MAP7: variants seen among roughly 807,000 people sequenced by gnomAD.
The protein encoded by MAP7 is ensconsin.
Under a neutral mutation model 94.8 loss-of-function variants are expected in MAP7, and 52 were observed. The observed-to-expected ratio is 0.55, with a 90% CI of 0.44 to 0.69. The LOEUF (loss-of-function observed/expected upper bound fraction) is 0.69, where lower values mean the gene tolerates loss of function less well. Among genes scored for constraint, MAP7 ranks in the 30% least tolerant of loss-of-function variants. The pLI, the probability that MAP7 is intolerant of heterozygous loss-of-function variation, is 0.00. For synonymous variants in MAP7, 350 were observed against 357.0 expected (o/e 0.98, Z 0.22); for missense variants, 940 against 964.6 (o/e 0.97, Z 0.34).
At chr6:136,465,474 G>A (rs1806698073) in intron 1 of MAP7, among the ~76,000 whole-genome samples, 1 of 152,038 alleles carries the variant, frequency 6.6e-6, no homozygotes, top group Non-Finnish European at 1.5e-5. Context: ...CATGCTTTCT[G>A]CAAAGAAAGA....
At chr6:136,548,888 G>A (rs965573650) in intron 1 of MAP7, among the ~76,000 whole-genome samples, 1 of 152,164 alleles carries the variant, frequency 6.6e-6, no homozygotes, top group Non-Finnish European at 1.5e-5. Context: ...CCTCACTTGG[G>A]GGAGCCCCGT....
At chr6:136,436,156 G>A (rs1796324002) in intron 1 of MAP7, among the ~76,000 whole-genome samples, 3 of 152,128 alleles carry the variant, frequency 2.0e-5, no homozygotes. Flanking sequence ...AGTTAGGAAA[G>A]GAAGTTCATT....
At chr6:136,399,705 T>C (rs9402807) in intron 3 of MAP7, among the ~76,000 whole-genome samples, 8,159 of 152,250 alleles carry the variant, frequency 0.054, 480 homozygotes, top group African/African-American at 0.14. Context: ...CTTTATGCTT[T>C]ATCTCAATAA....
chr6:136,346,411 A>T (rs566454049), intron 16 of MAP7, among the ~76,000 whole-genome samples: 1 of 152,194 alleles, frequency 6.6e-6, no homozygotes, highest in Admixed American at 6.5e-5. Context: ...AAAAGAAAAA[A>T]ATTAGCTGTG....
chr6:136,486,504 C>T (rs1814788393), intron 1 of MAP7, among the ~76,000 whole-genome samples: 1 of 152,176 alleles, frequency 6.6e-6, no homozygotes, highest in Non-Finnish European at 1.5e-5. Context: ...ATATGGGAAG[C>T]ATCTGTAGCT....
intron 1 of MAP7, among the ~76,000 whole-genome samples, chr6:136,491,334 A>G (rs903018167): frequency 2.0e-5 from 3 of 152,210 alleles, no homozygotes; most frequent in Admixed American, 1.3e-4. Context: ...ATTTATGCCA[A>G]TGATTTTAAG....
chr6:136,358,338 T>C (rs3823162), intron 15 of MAP7, among the ~76,000 whole-genome samples: 127,997 of 152,246 alleles, frequency 0.84, 53,904 homozygotes, highest in Admixed American at 0.88. Flanking sequence ...AATTTACAGC[T>C]TAAATTGATC....
intron 1 of MAP7, among the ~76,000 whole-genome samples, chr6:136,504,005 C>T (rs1820605503): frequency 6.6e-6 from 1 of 152,198 alleles, no homozygotes; most frequent in Admixed American, 6.5e-5. Flanking sequence ...AGTAAATAAA[C>T]TGCAGTAAAG....
At chr6:136,349,553 T>C (rs1407724189) in intron 16 of MAP7, among the ~76,000 whole-genome samples, 2 of 152,098 alleles carry the variant, frequency 1.3e-5, no homozygotes, top group Non-Finnish European at 2.9e-5. Flanking sequence ...TTTGTATTTT[T>C]TGTAGAGACG....
At position 136,361,051 on chromosome 6, in the gene MAP7, T is replaced by TC; in HGVS notation, c.1654dup (p.Glu552GlyfsTer25). Reference sequence around the variant, plus strand: ...CTCCTCCCGCTCGCGCAGCGCCCGCTCCTCCGCCTGCCGCTGCAGCTGCTC... The same window carrying TC: ...CTCCTCCCGCTCGCGCAGCGCCCGCTCCCTCCGCCTGCCGCTGCAGCTGCTC... On this transcript the variant is annotated frameshift_variant, in exon 12 of 18. Coordinates refer to ENST00000354570, the MANE Select transcript of MAP7 (RefSeq NM_003980.6). LOFTEE classifies it high-confidence loss of function. The TC allele has an allele frequency of 6.3e-7, 1 of 1,591,114 alleles. No homozygotes were observed. Among genetic ancestry groups the TC allele is most frequent in the Non-Finnish European group, 8.5e-7 (1 of 1,174,676 alleles).
At chr6:136,413,975 C>T (rs902924115) in intron 2 of MAP7, among the ~76,000 whole-genome samples, 19 of 152,024 alleles carry the variant, frequency 1.2e-4, no homozygotes, top group South Asian at 1.0e-3. Flanking sequence ...ATGGGCCGGG[C>T]GCGGTGGCTC....
intron 1 of MAP7, among the ~76,000 whole-genome samples, chr6:136,432,768 CT>C (rs1795321623): frequency 6.6e-6 from 1 of 151,940 alleles, no homozygotes; most frequent in Non-Finnish European, 1.5e-5. Context: ...GTAAATTTAT[CT>C]ATTGATTTAG....
In MAP7 at chr6:136,550,106, G is replaced by A. The variant is rs1275460475; in HGVS notation, c.67+236C>T. 6.6e-6 allele frequency among the ~76,000 whole-genome samples: 1 copy of A among 151,070 alleles called. No homozygotes were observed. The highest frequency in any genetic ancestry group is 1.5e-5 in the Non-Finnish European group (1 of 67,468). ...GCGGGAAAGTCGCGGTGGAGCGCCC[G>A]AGGGCGGCCGCAACCCCGGCCGGGG... On this transcript the variant is annotated intron_variant, in intron 1 of 17. Coordinates refer to ENST00000354570, the MANE Select transcript of MAP7 (RefSeq NM_003980.6). The surrounding 1 kb of genome is among the most constrained non-coding windows in gnomAD (Gnocchi z 5.1).
intron 3 of MAP7, among the ~76,000 whole-genome samples, chr6:136,408,139 T>G (rs529983269): frequency 2.1e-5 from 3 of 144,774 alleles, no homozygotes; most frequent in East Asian, 2.1e-4. Flanking sequence ...AGAGAGAGAG[T>G]GAAAAACATG....
intron 3 of MAP7, among the ~76,000 whole-genome samples, chr6:136,410,010 C>T (rs966581498): frequency 2.0e-5 from 3 of 152,136 alleles, no homozygotes; most frequent in African/African-American, 7.2e-5. Flanking sequence ...AAGTCTTACA[C>T]CTTTATAGTA....
Position 136,344,094 on chromosome 6 carries a change from A to G in MAP7, c.*134T>C, listed in dbSNP as rs1283075308. 1 of 404,036 alleles carries G rather than the reference A, an allele frequency of 2.5e-6. No individual in the cohort carries two copies. Among genetic ancestry groups the G allele is most frequent in the Non-Finnish European group, 4.5e-6 (1 of 222,712 alleles). 25.0% of individuals were successfully genotyped at this position (404,036 alleles called of 1,614,324 possible). The stretch of plus-strand genomic sequence containing the variant: ...AGTCTGTTGTCTTTAGCTAGTTTTA[A>G]TAAATCTTTTCAAAATGATGGTCAA... On this transcript the variant is annotated 3_prime_UTR_variant, in exon 18 of 18. Transcript: ENST00000354570.
chr6:136,411,621 T>C lies in MAP7; in HGVS notation c.243A>G (p.Leu81=), dbSNP rs1787486091. 4.5e-6 allele frequency: 7 copies of C among 1,558,730 alleles called. No individual in the cohort carries two copies. The African/African-American group carries it at 5.4e-5, about 12-fold the overall frequency. Residue 81 remains leucine (L), a splice_region_variant and synonymous_variant, in exon 3 of 18, where the codon CTA becomes CTG. Transcript: ENST00000354570. Reference sequence around the variant, plus strand: ...CCATGGACACGGGGCCTGGGGTACCTAGCTGTTTCTCCCGTTCCTCACGTC... The same window carrying C: ...CCATGGACACGGGGCCTGGGGTACCCAGCTGTTTCTCCCGTTCCTCACGTC... ...RERREEREKQ[L]AAREIVWLER...
At chr6:136,366,136 T>C in intron 9 of MAP7, 118 bp from the exon 10 acceptor site, 1 of 1,156,466 alleles carries the variant, frequency 8.6e-7, no homozygotes, top group Non-Finnish European at 1.2e-6. Context: ...ATTTGTTTTT[T>C]ATGTGGTAGA....
At chr6:136,462,774 CAACATGGTG>C (rs900411559) in intron 1 of MAP7, among the ~76,000 whole-genome samples, 1 of 151,854 alleles carries the variant, frequency 6.6e-6, no homozygotes, top group African/African-American at 2.4e-5. Context: ...CAAGCCTGGA[CAACATGGTG>C]AAACCCTGTT....
Sources: allele counts gnomAD v4.1 joint callset (sites outside exome capture counted in the v4.1 genomes callset), GRCh38; gene constraint gnomAD v4.1.1; non-coding constraint Gnocchi (gnomAD v3.1); transcripts MANE v1.5; gene names NCBI Gene and HGNC (gene_info 2026-07-23, HGNC 2026-07-21).